The following HHIP variants were observed in gnomAD, a reference collection of about 807,000 sequenced individuals.
HHIP encodes hedgehog-interacting protein.
A neutral mutation model predicts 74.0 loss-of-function variants in HHIP; 12 were observed. The ratio of observed to expected loss-of-function variants is 0.16; its 90% CI spans 0.10 to 0.26. The LOEUF is 0.26. HHIP is among the 10% of genes least tolerant of loss of function. HHIP has a pLI of 1.00. For synonymous variants in HHIP, 309 were observed against 311.6 expected (o/e 0.99, Z 0.09); for missense variants, 788 against 845.0 (o/e 0.93, Z 0.84).
At position 144,646,806 on chromosome 4, in the gene HHIP, C is replaced by T. The variant is rs768487964; in HGVS notation, c.131C>T (p.Pro44Leu). 11 of 1,614,190 alleles carry T rather than the reference C, an allele frequency of 6.8e-6. No homozygotes were observed. In the Admixed American group the frequency reaches 1.7e-4, roughly 24 times the overall value. ...AGGAGAAGGTGCCTGAATGGGAACC[C>T]CCCGAAGCGCCTGAAAAGGAGAGAC... is the stretch of plus-strand genomic sequence containing the variant. ...ARRRRCLNGN[P>L]PKRLKRRDRR... Residue 44 changes from proline to leucine, a missense_variant, in exon 1 of 13, where the codon CCC (proline) becomes CTC (leucine). Physicochemically the swap from Pro to Leu is moderately conservative, Grantham distance 98. Around this residue, in one of 3 missense-constraint regions of HHIP, gnomAD observed 373 missense variants for 366.4 expected, o/e 1.02. Transcript: ENST00000296575.
At position 144,706,532 on chromosome 4, in the gene HHIP, G is replaced by A. The variant is rs1484507964; in HGVS notation, c.833G>A (p.Gly278Glu). ...IHKLVQSGIKGGDERGLLSLA... is the reference protein window; with the variant it reads ...IHKLVQSGIKEGDERGLLSLA... ...TTTGTGTTTTTCATTTGACTGCAGG[G>A]AGGAGATGAAAGAGGACTGCTAAGC... The change falls in exon 5 of 13, where the codon GGA becomes GAA. Residue 278 changes from glycine (G) to glutamate (E), a missense_variant and splice_region_variant. This residue lies in a region of HHIP where 373 missense variants were observed against 366.4 expected (regional missense o/e 1.02). Transcript: ENST00000296575. 1.2e-6 allele frequency: 2 copies of A among 1,604,016 alleles called. No homozygotes were observed. The highest frequency in any genetic ancestry group is 8.5e-7 in the Non-Finnish European group (1 of 1,176,024).
intron 4 of HHIP, among the ~76,000 whole-genome samples, chr4:144,667,450 T>G (rs977999629): frequency 2.0e-5 from 3 of 152,208 alleles, no homozygotes; most frequent in Admixed American, 6.5e-5. Context: ...GGCAGTCCCT[T>G]GGAAACAAAG....
At chr4:144,702,507 G>A (rs1377906457) in intron 4 of HHIP, among the ~76,000 whole-genome samples, 1 of 152,136 alleles carries the variant, frequency 6.6e-6, no homozygotes, top group East Asian at 1.9e-4. Flanking sequence ...GTTCCAAATT[G>A]CGGGAACATT....
rs999743156 is a variant in HHIP at position 144,646,868 on chromosome 4, G to A, written c.193G>A (p.Gly65Arg). The A allele has an allele frequency of 2.5e-6, 4 of 1,614,102 alleles. No homozygotes were observed. Among genetic ancestry groups the A allele is most frequent in the Non-Finnish European group, 2.5e-6 (3 of 1,180,050 alleles). The change falls in exon 1 of 13, where the codon GGA (glycine) becomes AGA (arginine). Residue 65 changes from glycine (G) to arginine (R), a missense_variant. Physicochemically the swap from Gly to Arg is moderately radical, Grantham distance 125. Coordinates refer to ENST00000296575, the MANE Select transcript of HHIP (RefSeq NM_022475.3). Reference protein sequence around the residue: ...MMSQLELLSGGEMLCGGFYPR... With the variant: ...MMSQLELLSGREMLCGGFYPR... ...GTCCCAGCTGGAGCTGCTGAGTGGG[G>A]GAGAGATGCTGTGCGGTGGCTTCTA...
chr4:144,725,050 CTTG>C (rs2126678819), intron 11 of HHIP, among the ~76,000 whole-genome samples: 1 of 152,200 alleles, frequency 6.6e-6, no homozygotes, highest in South Asian at 2.1e-4. Context: ...ACCACTATCT[CTTG>C]TAGGACAATG....
intron 11 of HHIP, among the ~76,000 whole-genome samples, chr4:144,732,876 A>C (rs1166413363): frequency 6.6e-6 from 1 of 152,178 alleles, no homozygotes; most frequent in Non-Finnish European, 1.5e-5. Flanking sequence ...AAGGAATAGA[A>C]ATTAGATGCA....
chr4:144,698,664 T>C (rs2126643705), intron 4 of HHIP, among the ~76,000 whole-genome samples: 1 of 152,234 alleles, frequency 6.6e-6, no homozygotes, highest in African/African-American at 2.4e-5. Flanking sequence ...TCTGGAAAAG[T>C]AGAGGAAATT....
At chr4:144,707,997 C>G (rs1730192979) in intron 6 of HHIP, 171 bp from the exon 7 acceptor site, 1 of 655,690 alleles carries the variant, frequency 1.5e-6, no homozygotes, top group African/African-American at 1.8e-5. Flanking sequence ...CTCACCTTGG[C>G]TTCCCAAAGT....
At chr4:144,728,017 T>C (rs1730847742) in intron 11 of HHIP, among the ~76,000 whole-genome samples, 1 of 152,206 alleles carries the variant, frequency 6.6e-6, no homozygotes, top group African/African-American at 2.4e-5. Context: ...CCCTCTCTCA[T>C]GAGAATAAAG....
chr4:144,701,048 G>A (rs113084611), intron 4 of HHIP, among the ~76,000 whole-genome samples: 4,197 of 152,202 alleles, frequency 0.028, 98 homozygotes, highest in Non-Finnish European at 0.04. Context: ...GCAAAACATA[G>A]GCAAGAAAAT....
chr4:144,707,039 T>A (rs201045355), intron 5 of HHIP, 48 bp from the exon 6 acceptor site: 1 of 1,504,666 alleles, frequency 6.6e-7, no homozygotes, highest in Non-Finnish European at 9.3e-7. Flanking sequence ...GATGGACTCA[T>A]CTTAAATCTT....
rs200506374 is a variant in HHIP, at chr4:144,738,016, A to T, written c.*59A>T. ...GGCATTTATTTTTTATCCTGTCATT[A>T]AAAAAAAAAGACTGTTATCCTGCTA... is the stretch of plus-strand genomic sequence containing the variant. On this transcript the variant is annotated 3_prime_UTR_variant, in exon 13 of 13. Transcript: ENST00000296575. The T allele has an allele frequency of 1.5e-5, 14 of 937,132 alleles. No homozygotes were observed. Among genetic ancestry groups the T allele is most frequent in the African/African-American group, 7.1e-5 (4 of 56,202 alleles). 58.1% of individuals were successfully genotyped at this position (937,132 alleles called of 1,614,324 possible).
intron 4 of HHIP, among the ~76,000 whole-genome samples, chr4:144,693,434 A>G (rs1263984222): frequency 6.6e-6 from 1 of 152,108 alleles, no homozygotes; most frequent in African/African-American, 2.4e-5. Context: ...TATATTAAAA[A>G]TTATAAGGAA....
chr4:144,654,185 T>G (rs1048914859), intron 2 of HHIP, among the ~76,000 whole-genome samples: 2 of 152,180 alleles, frequency 1.3e-5, no homozygotes, highest in African/African-American at 2.4e-5. Context: ...GAAGTAATTT[T>G]AGCTTCCAAA....
At position 144,725,844 on chromosome 4, in the gene HHIP, A is replaced by G. The variant is rs539551883; in HGVS notation, c.1760+6888A>G. 1.1e-3 allele frequency among the ~76,000 whole-genome samples: 171 copies of G among 151,948 alleles called. 2 individuals carry two copies. Among genetic ancestry groups the G allele is most frequent in the Non-Finnish European group, 2.1e-3 (145 of 67,966 alleles). On this transcript the variant is annotated intron_variant, in intron 11 of 12. Transcript: ENST00000296575. ...CTACCAAACCCGGCTAATTTTTTGT[A>G]TTTTTTGTAGAGACGGGGGTTTCAC...
intron 4 of HHIP, among the ~76,000 whole-genome samples, chr4:144,667,580 T>C (rs1035232624): frequency 4.6e-5 from 7 of 152,192 alleles, no homozygotes; most frequent in Non-Finnish European, 1.5e-5. Context: ...CTTTGGACAT[T>C]AATTATAGGG....
chr4:144,693,482 A>C (rs1729731443), intron 4 of HHIP, among the ~76,000 whole-genome samples: 1 of 152,126 alleles, frequency 6.6e-6, no homozygotes, highest in Non-Finnish European at 1.5e-5. Flanking sequence ...CTATTGGAGA[A>C]ACTCCCATGG....
intron 4 of HHIP, among the ~76,000 whole-genome samples, chr4:144,669,568 CTTGT>C (rs1348020414): frequency 6.6e-6 from 1 of 152,092 alleles, no homozygotes; most frequent in Non-Finnish European, 1.5e-5. Context: ...AAAATAACAA[CTTGT>C]TTAAGATAAA....
chr4:144,662,493 G>T (rs1728741921), intron 4 of HHIP, among the ~76,000 whole-genome samples: 1 of 152,190 alleles, frequency 6.6e-6, no homozygotes, highest in South Asian at 2.1e-4. Context: ...ACAAGCTAAA[G>T]AATTAACTTC....
Sources: allele counts gnomAD v4.1 joint callset (sites outside exome capture counted in the v4.1 genomes callset), GRCh38; gene constraint gnomAD v4.1.1; regional missense constraint gnomAD v4.1.1; transcripts MANE v1.5; gene names NCBI Gene and HGNC (gene_info 2026-07-23, HGNC 2026-07-21).